Variants in ZFPM1 observed in about 807,000 individuals in gnomAD.
ZFPM1 encodes the protein zinc finger protein ZFPM1.
A neutral mutation model predicts 46.3 loss-of-function variants in ZFPM1; 28 were observed. The observed-to-expected ratio is 0.60, with a 90% CI of 0.45 to 0.83. ZFPM1 has a LOEUF of 0.83. ZFPM1 is among the 40% of genes least tolerant of loss of function. The pLI is 0.00. For synonymous variants in ZFPM1, 957 were observed against 675.9 expected (o/e 1.42, Z -6.45); for missense variants, 1,878 against 1,432.4 (o/e 1.31, Z -5.02).
rs547840823 is a variant in ZFPM1, at chr16:88,508,458, C to T, written c.269-5929C>T. Reference sequence around the variant, plus strand: ...CCCTTTCTACTGCCCAAGAGGCTTCCGTGGCTGCAGAGCAGGCCACAGAGT... The same window carrying T: ...CCCTTTCTACTGCCCAAGAGGCTTCTGTGGCTGCAGAGCAGGCCACAGAGT... On this transcript the variant is annotated intron_variant, in intron 3 of 9. Coordinates refer to ENST00000319555, the MANE Select transcript of ZFPM1 (RefSeq NM_153813.3). 5.9e-5 allele frequency among the ~76,000 whole-genome samples: 9 copies of T among 152,320 alleles called. No individual in the cohort carries two copies. The South Asian group carries it at 1.7e-3, about 28-fold the overall frequency.
intron 1 of ZFPM1, among the ~76,000 whole-genome samples, chr16:88,484,596 TC>T (rs1406240585): frequency 2.0e-5 from 3 of 152,190 alleles, no homozygotes; most frequent in African/African-American, 7.2e-5. Flanking sequence ...TCTGCCCCCA[TC>T]GTGCTTCACA....
At chr16:88,514,260 C>G in intron 3 of ZFPM1, 127 bp from the exon 4 acceptor site, 1 of 1,452,602 alleles carries the variant, frequency 6.9e-7, no homozygotes, top group South Asian at 1.3e-5. Context: ...ACCTGCCCGG[C>G]CCCTGCCATT....
intron 1 of ZFPM1, among the ~76,000 whole-genome samples, chr16:88,474,449 C>T (rs770810106): frequency 2.8e-4 from 42 of 152,280 alleles, no homozygotes; most frequent in Non-Finnish European, 5.9e-4. Flanking sequence ...GCATTCTGCT[C>T]GGTGTCTGAT....
intron 1 of ZFPM1, among the ~76,000 whole-genome samples, chr16:88,464,036 G>C (rs181156467): frequency 6.6e-6 from 1 of 152,228 alleles, no homozygotes; most frequent in Non-Finnish European, 1.5e-5. Flanking sequence ...GCCCTTGATC[G>C]AGGTGTTTGT....
intron 1 of ZFPM1, among the ~76,000 whole-genome samples, chr16:88,456,766 A>C (rs1419677489): frequency 6.6e-6 from 1 of 152,118 alleles, no homozygotes; most frequent in African/African-American, 2.4e-5. Flanking sequence ...TTGGTCTCCC[A>C]CTCTGAAAAA....
At chr16:88,518,145 C>T (rs1203522130) in intron 4 of ZFPM1, among the ~76,000 whole-genome samples, 2 of 150,652 alleles carry the variant, frequency 1.3e-5, no homozygotes, top group South Asian at 2.1e-4. Flanking sequence ...GCGGAGCTTG[C>T]GGTAAGCCAA....
chr16:88,528,498 C>A (rs1372735192), intron 6 of ZFPM1, among the ~76,000 whole-genome samples: 1 of 152,226 alleles, frequency 6.6e-6, no homozygotes, highest in East Asian at 1.9e-4. Context: ...CTCGGCTCTG[C>A]CCCGCACACC....
chr16:88,453,256 G>A (rs1907362481), upstream of ZFPM1: 1 of 147,024 alleles, frequency 6.8e-6, no homozygotes, highest in South Asian at 2.1e-4. Context: ...ACGACGCTCA[G>A]GCCCGGCCCC....
chr16:88,506,396 C>T (rs932620697), intron 3 of ZFPM1, among the ~76,000 whole-genome samples: 19 of 150,166 alleles, frequency 1.3e-4, no homozygotes, highest in Non-Finnish European at 5.9e-5. Context: ...TTAGGCAGGC[C>T]CCTCCTTTGT....
chr16:88,466,096 C>T (rs1443456920), intron 1 of ZFPM1, among the ~76,000 whole-genome samples: 1 of 152,164 alleles, frequency 6.6e-6, no homozygotes, highest in Non-Finnish European at 1.5e-5. Flanking sequence ...CTTGCCATTT[C>T]CCCCTTCCTG....
At chr16:88,520,941 T>C (rs1911827528) in intron 4 of ZFPM1, among the ~76,000 whole-genome samples, 1 of 119,050 alleles carries the variant, frequency 8.4e-6, no homozygotes, top group African/African-American at 3.3e-5. Context: ...GGGTGGATGA[T>C]TAGGTGGGTG....
intron 4 of ZFPM1, among the ~76,000 whole-genome samples, chr16:88,519,933 G>A (rs1207647748): frequency 1.3e-5 from 2 of 149,728 alleles, no homozygotes; most frequent in Non-Finnish European, 3.0e-5. Context: ...ATAGATGGAT[G>A]AGTGGATGGA....
At chr16:88,496,738 G>A (rs1190633036) in intron 3 of ZFPM1, among the ~76,000 whole-genome samples, 1 of 152,148 alleles carries the variant, frequency 6.6e-6, no homozygotes, top group East Asian at 1.9e-4. Context: ...ACCAGCACTG[G>A]TCATGTACAC....
At chr16:88,452,518 G>T (rs1026972898), upstream of ZFPM1, among the ~76,000 whole-genome samples, 1 of 152,238 alleles carries the variant, frequency 6.6e-6, no homozygotes, top group African/African-American at 2.4e-5. Flanking sequence ...GAGCTCACAG[G>T]GGAAGACCCG....
Position 88,535,007 on chromosome 16 carries a change from T to G in ZFPM1, c.*28T>G. The G allele has an allele frequency of 7.3e-7, 1 of 1,364,352 alleles. No homozygotes were observed. Among genetic ancestry groups the G allele is most frequent in the Non-Finnish European group, 9.5e-7 (1 of 1,048,200 alleles). 84.5% of individuals were successfully genotyped at this position (1,364,352 alleles called of 1,614,324 possible). A position where few individuals can be genotyped will look rare whatever the true frequency, so the allele number is the denominator to read the frequency against. ...GCCCACACTACAGCCGCAGACGCTT[T>G]GCACGCCCCGCTGCGATGCGGGGAG... On this transcript the variant is annotated 3_prime_UTR_variant, in exon 10 of 10. Transcript: ENST00000319555.
intron 5 of ZFPM1, 119 bp downstream of exon 5, chr16:88,527,035 G>T: frequency 3.5e-6 from 5 of 1,442,682 alleles, no homozygotes; most frequent in Non-Finnish European, 4.6e-6. Context: ...GGGGCACAGG[G>T]AGCTGCTGGC....
chr16:88,462,453 G>A (rs980570185), intron 1 of ZFPM1, among the ~76,000 whole-genome samples: 8 of 152,242 alleles, frequency 5.3e-5, no homozygotes, highest in African/African-American at 1.9e-4. Flanking sequence ...GAGAGGGTGG[G>A]TGGCTGCGCT....
intron 3 of ZFPM1, among the ~76,000 whole-genome samples, chr16:88,512,264 C>T (rs892587769): frequency 6.6e-5 from 10 of 152,140 alleles, no homozygotes; most frequent in African/African-American, 1.7e-4. Flanking sequence ...CAAGTGAGAG[C>T]CCAGGGCTGC....
chr16:88,458,881 G>A (rs1457034864), intron 1 of ZFPM1, among the ~76,000 whole-genome samples: 1 of 152,194 alleles, frequency 6.6e-6, no homozygotes, highest in African/African-American at 2.4e-5. Flanking sequence ...AACCTGCAAA[G>A]GGGTCATCTG....
Sources: allele counts gnomAD v4.1 joint callset (sites outside exome capture counted in the v4.1 genomes callset), GRCh38; gene constraint gnomAD v4.1.1; transcripts MANE v1.5; gene names NCBI Gene and HGNC (gene_info 2026-07-23, HGNC 2026-07-21).